The following KIF6 variants were observed in gnomAD, a reference collection of about 807,000 sequenced individuals.
KIF6 encodes kinesin family member 6.
Under a neutral mutation model 112.7 loss-of-function variants are expected in KIF6, and 106 were observed. That is an observed-to-expected ratio of 0.94 (90% CI 0.80 to 1.11). The LOEUF is 1.11. Among genes scored for constraint, KIF6 ranks in the 50% least tolerant of loss-of-function variants. The pLI is 0.00. For missense variants in KIF6, 929 were observed against 964.0 expected, an observed-to-expected ratio of 0.96 and a Z score of 0.48; for synonymous variants, 339 against 339.9, an observed-to-expected ratio of 1.00 and a Z score of 0.03.
intron 13 of KIF6, among the ~76,000 whole-genome samples, chr6:39,481,625 C>G (rs964667906): frequency 6.6e-6 from 1 of 152,144 alleles, no homozygotes; most frequent in Non-Finnish European, 1.5e-5. Flanking sequence ...GTCTCTGCAC[C>G]AAATTCAAAC....
At chr6:39,542,155 G>C (rs1336923999) in intron 12 of KIF6, among the ~76,000 whole-genome samples, 1 of 152,170 alleles carries the variant, frequency 6.6e-6, no homozygotes, top group Non-Finnish European at 1.5e-5. Flanking sequence ...CATATCATGG[G>C]AAGCCCCTTG....
At chr6:39,561,763 T>G (rs757057673) in intron 10 of KIF6, among the ~76,000 whole-genome samples, 1 of 152,174 alleles carries the variant, frequency 6.6e-6, no homozygotes, top group Non-Finnish European at 1.5e-5. Flanking sequence ...AAGAAAGTTT[T>G]GAAATGTGCC....
At chr6:39,434,705 G>A (rs1416235782) in intron 13 of KIF6, among the ~76,000 whole-genome samples, 2 of 152,156 alleles carry the variant, frequency 1.3e-5, no homozygotes, top group Non-Finnish European at 2.9e-5. Flanking sequence ...GAGGGAGGCA[G>A]GGACTCTCAG....
intron 13 of KIF6, among the ~76,000 whole-genome samples, chr6:39,507,678 TCCTTCCTTCCTA>T (rs1554228874): frequency 2.5e-5 from 3 of 119,474 alleles, no homozygotes; most frequent in Non-Finnish European, 5.1e-5. Flanking sequence ...CTTCCTTCCT[TCCTTCCTTCCTA>T]CCTTCCTTCC....
At chr6:39,411,876 T>C (rs1242247850) in intron 15 of KIF6, among the ~76,000 whole-genome samples, 19 of 152,196 alleles carry the variant, frequency 1.2e-4, no homozygotes, top group Admixed American at 1.2e-3. Context: ...GGATGTGCCA[T>C]GGATAGAGGT....
At chr6:39,544,721 C>A in intron 11 of KIF6, 28 bp from the exon 12 acceptor site, 1 of 1,386,700 alleles carries the variant, frequency 7.2e-7, no homozygotes. Flanking sequence ...AGCTTAGTAC[C>A]CATATCTCTA....
At position 39,360,485 on chromosome 6, in the gene KIF6, G is replaced by T; in HGVS notation, c.1992C>A (p.Ile664=). 2.5e-6 allele frequency: 4 copies of T among 1,614,160 alleles called. No individual in the cohort carries two copies. The highest frequency in any genetic ancestry group is 3.4e-6 in the Non-Finnish European group (4 of 1,180,004). Reference sequence around the variant, plus strand: ...TGTCCATGAGCAGCTGCAAGTGCTCGATCTCCACCTTCAGGGCTTTCAGGC... The same window carrying T: ...TGTCCATGAGCAGCTGCAAGTGCTCTATCTCCACCTTCAGGGCTTTCAGGC... ...FTRLKALKVE[I]EHLQLLMDKA... is the part of the protein sequence containing the mutation. Residue 664 remains isoleucine (I), a synonymous_variant, in exon 18 of 23, where the codon ATC becomes ATA. Coordinates refer to ENST00000287152, the MANE Select transcript of KIF6 (RefSeq NM_145027.6).
chr6:39,436,234 C>T lies in KIF6; in HGVS notation c.1646-5073G>A, dbSNP rs549699250. Among the ~76,000 whole-genome samples the T allele has an allele frequency of 1.1e-4, 17 of 151,680 alleles. No individual in the cohort carries two copies. The South Asian group carries it at 2.1e-3, about 19-fold the overall frequency. On this transcript the variant is annotated intron_variant, in intron 13 of 22. Coordinates refer to ENST00000287152, the MANE Select transcript of KIF6 (RefSeq NM_145027.6). Reference sequence around the variant, plus strand: ...ATTTGTTTTTTTTCTTGCGGATTGGCTTGAGTTCTTTGTAGATTCTGGATA... The same window carrying T: ...ATTTGTTTTTTTTCTTGCGGATTGGTTTGAGTTCTTTGTAGATTCTGGATA...
chr6:39,408,588 AT>A (rs745334727), intron 15 of KIF6, among the ~76,000 whole-genome samples: 10 of 152,256 alleles, frequency 6.6e-5, no homozygotes, highest in Non-Finnish European at 1.0e-4. Context: ...TTATGGTCCT[AT>A]TTATGCAACA....
intron 13 of KIF6, among the ~76,000 whole-genome samples, chr6:39,455,588 T>C (rs1205996292): frequency 3.3e-5 from 5 of 150,980 alleles, no homozygotes; most frequent in Non-Finnish European, 7.4e-5. Flanking sequence ...CGGGAGGACA[T>C]TCAAACCAAA....
At chr6:39,717,946 G>A (rs1789957081) in intron 2 of KIF6, among the ~76,000 whole-genome samples, 2 of 151,922 alleles carry the variant, frequency 1.3e-5, no homozygotes, top group African/African-American at 4.8e-5. Flanking sequence ...ATACTTTGGG[G>A]CCAGGTGCAG....
intron 7 of KIF6, among the ~76,000 whole-genome samples, chr6:39,589,560 G>C (rs1237063423): frequency 6.6e-6 from 1 of 152,152 alleles, no homozygotes; most frequent in Non-Finnish European, 1.5e-5. Context: ...ACTTTTCCTA[G>C]TTGTCTTGAA....
intron 10 of KIF6, among the ~76,000 whole-genome samples, chr6:39,572,360 T>G (rs1190487427): frequency 1.3e-5 from 2 of 152,206 alleles, no homozygotes; most frequent in East Asian, 3.8e-4. Flanking sequence ...TCCTTGGAAT[T>G]ATTTTTTGTA....
chr6:39,484,314 G>A (rs1183374488), intron 13 of KIF6, among the ~76,000 whole-genome samples: 4 of 152,158 alleles, frequency 2.6e-5, no homozygotes, highest in Non-Finnish European at 5.9e-5. Flanking sequence ...GTAGAGAGGA[G>A]GCTAATAATG....
chr6:39,665,832 T>G (rs1786435145), intron 3 of KIF6, among the ~76,000 whole-genome samples: 1 of 151,882 alleles, frequency 6.6e-6, no homozygotes, highest in Admixed American at 6.6e-5. Context: ...ACATGAAGAG[T>G]GTCTATTAAA....
At chr6:39,438,845 A>G (rs1771732187) in intron 13 of KIF6, among the ~76,000 whole-genome samples, 1 of 152,104 alleles carries the variant, frequency 6.6e-6, no homozygotes, top group South Asian at 2.1e-4. Context: ...TTCAAGTTCC[A>G]TTCATGGTAA....
intron 13 of KIF6, among the ~76,000 whole-genome samples, chr6:39,521,981 C>A (rs1777426208): frequency 6.6e-6 from 1 of 152,174 alleles, no homozygotes; most frequent in South Asian, 2.1e-4. Context: ...CCCACCCATT[C>A]CTCCTTCCAC....
chr6:39,348,164 T>C (rs941651615), intron 19 of KIF6, among the ~76,000 whole-genome samples: 2 of 152,174 alleles, frequency 1.3e-5, no homozygotes, highest in Non-Finnish European at 2.9e-5. Context: ...TCAAGGTCAG[T>C]TTGGAAGCTG....
intron 13 of KIF6, among the ~76,000 whole-genome samples, chr6:39,491,050 C>T (rs1775456017): frequency 6.6e-6 from 1 of 152,090 alleles, no homozygotes; most frequent in South Asian, 2.1e-4. Context: ...TTTGTCCCAT[C>T]ACCATCAGGA....
Sources: allele counts gnomAD v4.1 joint callset (sites outside exome capture counted in the v4.1 genomes callset), GRCh38; gene constraint gnomAD v4.1.1; transcripts MANE v1.5; gene names NCBI Gene and HGNC (gene_info 2026-07-23, HGNC 2026-07-21).